The following GPM6A variants were observed in gnomAD, a reference collection of about 807,000 sequenced individuals.
GPM6A encodes glycoprotein M6A.
In GPM6A, 7 loss-of-function variants were observed where a neutral mutation model predicts 32.1. That is an observed-to-expected ratio of 0.22 (90% confidence interval 0.12 to 0.41). The LOEUF (loss-of-function observed/expected upper bound fraction) is 0.41. Among genes scored for constraint, GPM6A ranks in the 10% least tolerant of loss-of-function variants. The pLI is 1.00. For missense variants in GPM6A, 235 were observed against 347.2 expected (o/e 0.68, Z 2.57); for synonymous variants, 130 against 123.4 (o/e 1.05, Z -0.35).
chr4:175,865,339 T>C (rs557566098), intron 1 of GPM6A, among the ~76,000 whole-genome samples: 2 of 152,336 alleles, frequency 1.3e-5, no homozygotes, highest in South Asian at 4.1e-4. Context: ...TGATTAATGA[T>C]AAGTATTGTT....
intron 1 of GPM6A, among the ~76,000 whole-genome samples, chr4:175,751,985 T>C (rs749357342): frequency 6.6e-6 from 1 of 152,136 alleles, no homozygotes; most frequent in Non-Finnish European, 1.5e-5. Flanking sequence ...CAGGAGTCAA[T>C]TGATGTTAGC....
At chr4:175,746,954 T>C (rs1384857488) in intron 1 of GPM6A, among the ~76,000 whole-genome samples, 1 of 152,136 alleles carries the variant, frequency 6.6e-6, no homozygotes, top group African/African-American at 2.4e-5. Flanking sequence ...ATGCACACAC[T>C]GCAATACTCA....
chr4:175,803,162 G>A (rs972920689), intron 1 of GPM6A, among the ~76,000 whole-genome samples: 3 of 84,204 alleles, frequency 3.6e-5, no homozygotes, highest in South Asian at 5.9e-4. Flanking sequence ...TCCTGTTCTC[G>A]TTTCATCATC....
At chr4:175,952,546 T>A (rs2126378289) in intron 1 of GPM6A, among the ~76,000 whole-genome samples, 1 of 152,346 alleles carries the variant, frequency 6.6e-6, no homozygotes, top group South Asian at 2.1e-4. Flanking sequence ...AAATTTTAAA[T>A]TCTTCCATTT....
At chr4:175,726,305 G>T in intron 1 of GPM6A, among the ~76,000 whole-genome samples, 1 of 151,868 alleles carries the variant, frequency 6.6e-6, no homozygotes, top group East Asian at 1.9e-4. Context: ...AGCCTACCTT[G>T]TTTCTTTACT....
chr4:175,990,643 GTT>G (rs57270659), intron 1 of GPM6A, among the ~76,000 whole-genome samples: 9 of 141,954 alleles, frequency 6.3e-5, no homozygotes, highest in African/African-American at 1.0e-4. Context: ...GGGTGAAGTA[GTT>G]TTTTTTTTTT....
At chr4:175,673,657 C>T (rs746083325) in intron 3 of GPM6A, 23 bp downstream of exon 3, 2 of 1,550,802 alleles carry the variant, frequency 1.3e-6, no homozygotes, top group Non-Finnish European at 1.8e-6. Flanking sequence ...ACATTAAATA[C>T]TGAATGTAGA....
chr4:175,774,998 T>G (rs1343154831), intron 1 of GPM6A, among the ~76,000 whole-genome samples: 1 of 152,124 alleles, frequency 6.6e-6, no homozygotes, highest in Non-Finnish European at 1.5e-5. Flanking sequence ...TCAATATGGA[T>G]GTACAATAAT....
intron 1 of GPM6A, among the ~76,000 whole-genome samples, chr4:175,946,030 A>G (rs73871302): frequency 0.057 from 8,614 of 151,312 alleles, 833 homozygotes; most frequent in African/African-American, 0.2. Flanking sequence ...TAAATGTGTA[A>G]TGTACGCTAT....
intron 1 of GPM6A, among the ~76,000 whole-genome samples, chr4:175,861,373 A>T (rs1736568044): frequency 6.6e-6 from 1 of 151,610 alleles, no homozygotes; most frequent in Admixed American, 6.6e-5. Flanking sequence ...ACGCATCTAT[A>T]ACTCTAGTCC....
At chr4:175,852,940 A>G (rs1436545428) in intron 1 of GPM6A, among the ~76,000 whole-genome samples, 1 of 152,176 alleles carries the variant, frequency 6.6e-6, no homozygotes, top group Non-Finnish European at 1.5e-5. Flanking sequence ...AAATGTCTCA[A>G]TCGATGCGCA....
chr4:175,751,731 C>T (rs1486803545), intron 1 of GPM6A, among the ~76,000 whole-genome samples: 1 of 151,010 alleles, frequency 6.6e-6, no homozygotes, highest in Non-Finnish European at 1.5e-5. Context: ...GACCCGGAGT[C>T]ACACGATGCA....
intron 1 of GPM6A, among the ~76,000 whole-genome samples, chr4:175,841,834 C>T (rs977503755): frequency 6.6e-5 from 10 of 151,944 alleles, no homozygotes; most frequent in East Asian, 1.9e-4. Context: ...TTCTGAAAAA[C>T]GGAGAAGTAA....
upstream of GPM6A, among the ~76,000 whole-genome samples, chr4:175,814,794 G>T (rs1735047760): frequency 6.6e-6 from 1 of 152,148 alleles, no homozygotes; most frequent in African/African-American, 2.4e-5. Flanking sequence ...TAGGCTTTCA[G>T]TATTTATTGG....
At chr4:175,650,108 C>G (rs374948636) in intron 4 of GPM6A, among the ~76,000 whole-genome samples, 40 of 152,038 alleles carry the variant, frequency 2.6e-4, no homozygotes, top group Admixed American at 7.9e-4. Flanking sequence ...TCCCCAATGT[C>G]CATATTCCCT....
chr4:175,655,312 A>G (rs1433653685), intron 3 of GPM6A, among the ~76,000 whole-genome samples: 2 of 152,132 alleles, frequency 1.3e-5, no homozygotes, highest in East Asian at 3.8e-4. Context: ...TCACTAAAGT[A>G]TTTAAGGAAG....
chr4:175,788,175 G>A (rs1025538489), intron 1 of GPM6A: 1 of 152,222 alleles, frequency 6.6e-6, no homozygotes, highest in East Asian at 1.9e-4. Context: ...GGGAGAGAGA[G>A]GATGTGTCTG....
intron 6 of GPM6A, 105 bp downstream of exon 6, chr4:175,640,024 G>A (rs762485505): frequency 9.1e-5 from 82 of 896,196 alleles, no homozygotes; most frequent in Non-Finnish European, 1.5e-4. Context: ...TGACATAAAT[G>A]TGTTTTACAT....
At chr4:175,715,300 C>T (rs1363790422) in intron 1 of GPM6A, among the ~76,000 whole-genome samples, 1 of 152,122 alleles carries the variant, frequency 6.6e-6, no homozygotes, top group Non-Finnish European at 1.5e-5. Flanking sequence ...ATTATAATTT[C>T]CCACATCTTC....
Sources: gnomAD v4.1 joint callset for allele counts (sites outside exome capture counted in the v4.1 genomes callset) on GRCh38, gnomAD v4.1.1 for gene constraint, MANE v1.5 for transcripts, NCBI Gene and HGNC (gene_info 2026-07-23, HGNC 2026-07-21) for gene names.